CDH18: variants seen among roughly 807,000 people sequenced by gnomAD.
The protein encoded by CDH18 is cadherin 18, also known as cadherin-18.
A neutral mutation model predicts 67.9 loss-of-function variants in CDH18; 31 were observed. The observed-to-expected ratio is 0.46, with a 90% CI of 0.34 to 0.62. The LOEUF (loss-of-function observed/expected upper bound fraction) is 0.62, where lower values mean the gene tolerates loss of function less well. CDH18 is among the 20% of genes least tolerant of loss of function. CDH18 has a pLI of 0.01. For missense variants in CDH18, 890 were observed against 975.5 expected, an observed-to-expected ratio of 0.91 and a Z score of 1.17; for synonymous variants, 362 against 347.2, an observed-to-expected ratio of 1.04 and a Z score of -0.48.
chr5:19,751,932 C>G (rs773591232), intron 3 of CDH18, among the ~76,000 whole-genome samples: 1 of 152,070 alleles, frequency 6.6e-6, no homozygotes, highest in East Asian at 1.9e-4. Flanking sequence ...TAGCAGGAAT[C>G]CTGAGAGTAC....
chr5:20,317,304 A>G (rs1737563585), intron 1 of CDH18, among the ~76,000 whole-genome samples: 1 of 152,086 alleles, frequency 6.6e-6, no homozygotes, highest in Non-Finnish European at 1.5e-5. Flanking sequence ...GCAATTTCAT[A>G]TTCTTTGACT....
At chr5:20,418,242 A>ATTTTATTTTTTTTTTT (rs1747499239) in intron 1 of CDH18, among the ~76,000 whole-genome samples, 1 of 56,936 alleles carries the variant, frequency 1.8e-5, no homozygotes, top group Non-Finnish European at 2.9e-5. Context: ...CTGCTGGCTA[A>ATTTTATTTTTTTTTTT]TTTTTTTTTT....
At chr5:20,334,297 C>T (rs890426519) in intron 1 of CDH18, among the ~76,000 whole-genome samples, 9 of 150,954 alleles carry the variant, frequency 6.0e-5, no homozygotes, top group Non-Finnish European at 1.3e-4. Context: ...CCTCGCCCGG[C>T]TAATTTTTTT....
intron 3 of CDH18, among the ~76,000 whole-genome samples, chr5:19,832,042 G>A (rs1715899137): frequency 6.6e-6 from 1 of 152,064 alleles, no homozygotes; most frequent in Non-Finnish European, 1.5e-5. Context: ...TTGTAAGTGG[G>A]AGCTGAACAC....
In CDH18 at chr5:20,038,379, C is replaced by G. The variant is rs138344950; in HGVS notation, c.-517-46365G>C. 1.2e-3 allele frequency among the ~76,000 whole-genome samples: 180 copies of G among 152,250 alleles called. 1 individual carries two copies. The highest frequency in any genetic ancestry group is 4.1e-3 in the African/African-American group (170 of 41,574). ...GGTAGCATCATCCTGATACCAAAAC[C>G]TGGCAGAGACACAACAAATAAAGAA... is the stretch of plus-strand genomic sequence containing the variant. On this transcript the variant is annotated intron_variant, in intron 2 of 14. Coordinates refer to the CDH18 transcript ENST00000507958.
intron 1 of CDH18, among the ~76,000 whole-genome samples, chr5:20,450,596 C>T (rs911322599): frequency 7.2e-5 from 11 of 152,104 alleles, no homozygotes; most frequent in African/African-American, 2.2e-4. Flanking sequence ...ACCACACAGA[C>T]ACACATACTG....
At chr5:19,982,826 C>T (rs1213518910) in intron 1 of CDH18, among the ~76,000 whole-genome samples, 3 of 151,902 alleles carry the variant, frequency 2.0e-5, no homozygotes, top group East Asian at 3.9e-4. Flanking sequence ...GTGTGGATCA[C>T]GAGGTCAGGA....
chr5:20,385,314 C>G (rs563180109), intron 1 of CDH18, among the ~76,000 whole-genome samples: 144 of 152,272 alleles, frequency 9.5e-4, no homozygotes, highest in African/African-American at 3.3e-3. Context: ...TTGCCAAGCA[C>G]CCTTTTGAAA....
intron 1 of CDH18, among the ~76,000 whole-genome samples, chr5:20,295,872 C>CTTTTTTTTTTTTTTTT (rs35024141): frequency 2.7e-5 from 3 of 109,978 alleles, no homozygotes; most frequent in East Asian, 2.5e-4. Context: ...TCTTTTTTTT[C>CTTTTTTTTTTTTTTTT]TTTTTTTTTT....
intron 3 of CDH18, among the ~76,000 whole-genome samples, chr5:19,762,992 G>T (rs537102513): frequency 6.6e-6 from 1 of 152,236 alleles, no homozygotes; most frequent in East Asian, 1.9e-4. Context: ...GCAAACTATT[G>T]CAAGAACAGA....
At chr5:20,131,724 T>C (rs1749282722) in intron 2 of CDH18, among the ~76,000 whole-genome samples, 3 of 152,338 alleles carry the variant, frequency 2.0e-5, no homozygotes, top group East Asian at 3.9e-4. Flanking sequence ...TATTGATTTA[T>C]GTATTTTTAC....
chr5:20,066,524 G>C (rs1742989400), intron 2 of CDH18, among the ~76,000 whole-genome samples: 1 of 151,926 alleles, frequency 6.6e-6, no homozygotes. Context: ...ACTTTCAAAG[G>C]ACTACCATTA....
intron 2 of CDH18, among the ~76,000 whole-genome samples, chr5:19,844,885 C>G (rs1028428774): frequency 6.6e-6 from 1 of 152,148 alleles, no homozygotes; most frequent in African/African-American, 2.4e-5. Context: ...TGTAAACACC[C>G]TCATCAATTC....
intron 3 of CDH18, among the ~76,000 whole-genome samples, chr5:19,769,311 G>A (rs889698634): frequency 4.6e-5 from 7 of 152,192 alleles, no homozygotes; most frequent in East Asian, 1.9e-4. Context: ...AAAGTAGCAA[G>A]AGAAAAGAAT....
chr5:19,888,467 TACTC>T (rs1369479116), intron 2 of CDH18, among the ~76,000 whole-genome samples: 3 of 152,048 alleles, frequency 2.0e-5, no homozygotes, highest in East Asian at 1.9e-4. Context: ...TGTTTTCTGA[TACTC>T]ACACACCACA....
intron 2 of CDH18, among the ~76,000 whole-genome samples, chr5:20,248,892 A>T (rs138223298): frequency 2.6e-5 from 4 of 152,354 alleles, no homozygotes; most frequent in Non-Finnish European, 1.5e-5. Context: ...TTACAAACAC[A>T]AATCACTTAC....
intron 1 of CDH18, among the ~76,000 whole-genome samples, chr5:20,279,032 G>A (rs1374756985): frequency 6.6e-6 from 1 of 152,040 alleles, no homozygotes; most frequent in African/African-American, 2.4e-5. Context: ...TAACAAAATA[G>A]CAGGAGTAAG....
chr5:19,833,021 T>C (rs56141241), intron 3 of CDH18, among the ~76,000 whole-genome samples: 13,294 of 152,166 alleles, frequency 0.087, 650 homozygotes, highest in African/African-American at 0.13. Context: ...TTCTTTGATT[T>C]CATATGCAAT....
At chr5:20,067,184 G>A (rs1743053763) in intron 2 of CDH18, among the ~76,000 whole-genome samples, 1 of 151,754 alleles carries the variant, frequency 6.6e-6, no homozygotes, top group African/African-American at 2.4e-5. Context: ...AGTGACTTGA[G>A]CGTTGAGTAT....
Sources: gnomAD v4.1 joint callset for allele counts (sites outside exome capture counted in the v4.1 genomes callset) on GRCh38, gnomAD v4.1.1 for gene constraint, MANE v1.5 for transcripts, NCBI Gene and HGNC (gene_info 2026-07-23, HGNC 2026-07-21) for gene names.